SMOC2: variants seen among roughly 807,000 people sequenced by gnomAD.
The protein encoded by SMOC2 is SPARC-related modular calcium-binding protein 2.
SMOC2 carries 39 observed loss-of-function variants against 61.4 expected under a neutral mutation model. That is an observed-to-expected ratio of 0.64 (90% CI 0.49 to 0.83). SMOC2 has a LOEUF of 0.83. SMOC2 is among the 40% of genes least tolerant of loss of function. SMOC2 has a pLI of 0.00. For synonymous variants in SMOC2, 247 were observed against 239.9 expected (o/e 1.03, Z -0.27); for missense variants, 556 against 592.9 (o/e 0.94, Z 0.65).
At chr6:168,595,820 T>C (rs141314322) in intron 7 of SMOC2, among the ~76,000 whole-genome samples, 4 of 152,364 alleles carry the variant, frequency 2.6e-5, no homozygotes, top group African/African-American at 9.6e-5. Flanking sequence ...TTATTTTGCT[T>C]ATGATAAGCT....
At chr6:168,655,944 G>A (rs1292197496) in intron 11 of SMOC2, among the ~76,000 whole-genome samples, 1 of 151,772 alleles carries the variant, frequency 6.6e-6, no homozygotes, top group African/African-American at 2.4e-5. Flanking sequence ...CGTGTGTGCT[G>A]GATCCCCCGT....
chr6:168,451,007 T>A (rs1301062676), intron 1 of SMOC2, among the ~76,000 whole-genome samples: 1 of 152,180 alleles, frequency 6.6e-6, no homozygotes, highest in Admixed American at 6.5e-5. Flanking sequence ...TTGATGCAAA[T>A]GTGTTACAGG....
rs568594800 is a variant in SMOC2, at chr6:168,667,426, C to T, written c.*988C>T. The stretch of plus-strand genomic sequence containing the variant: ...TGCCCCCGGGGCTGGTGTTGGCAGC[C>T]GGGGGGAGGTGCCTGAGGGTCCCCA... On this transcript the variant is annotated 3_prime_UTR_variant, in exon 13 of 13. Transcript: ENST00000356284. 4 of 152,202 alleles carry T rather than the reference C, an allele frequency of 2.6e-5. No homozygotes were observed. Among genetic ancestry groups the T allele is most frequent in the South Asian group, 4.2e-4 (2 of 4,818 alleles). 9.4% of individuals were successfully genotyped at this position (152,202 alleles called of 1,614,324 possible).
At position 168,535,290 on chromosome 6, in the gene SMOC2, A is replaced by G. The variant is rs566078323; in HGVS notation, c.463+7563A>G. Reference sequence around the variant, plus strand: ...CAGCCTCCAGAGATATTTTATGTACATAAAAACAAGTATATTATTTTTTCT... The same window carrying G: ...CAGCCTCCAGAGATATTTTATGTACGTAAAAACAAGTATATTATTTTTTCT... On this transcript the variant is annotated intron_variant, in intron 4 of 12. Transcript: ENST00000356284. The surrounding 1 kb of genome is among the most constrained non-coding windows in gnomAD (Gnocchi z 4.6). Among the ~76,000 whole-genome samples the G allele has an allele frequency of 6.6e-6, 1 of 152,176 alleles. No individual in the cohort carries two copies. The highest frequency in any genetic ancestry group is 2.4e-5 in the African/African-American group (1 of 41,438).
chr6:168,622,874 A>G (rs2115234256), intron 9 of SMOC2, among the ~76,000 whole-genome samples: 1 of 152,322 alleles, frequency 6.6e-6, no homozygotes, highest in Non-Finnish European at 1.5e-5. Context: ...GGAGACCGAC[A>G]CCATGCCCAC....
At chr6:168,550,931 T>C (rs558796008) in intron 7 of SMOC2, among the ~76,000 whole-genome samples, 1 of 152,350 alleles carries the variant, frequency 6.6e-6, no homozygotes, top group African/African-American at 2.4e-5. Context: ...TAAAACACTG[T>C]ATGTTTCAGG....
intron 8 of SMOC2, among the ~76,000 whole-genome samples, chr6:168,600,419 A>AC (rs1785515972): frequency 3.6e-5 from 1 of 27,778 alleles, no homozygotes; most frequent in East Asian, 1.1e-3. Context: ...AAAAAAAAAA[A>AC]AACAAAAAAA....
chr6:168,545,648 TG>T (rs1437969378), intron 5 of SMOC2, among the ~76,000 whole-genome samples: 1 of 152,130 alleles, frequency 6.6e-6, no homozygotes, highest in Non-Finnish European at 1.5e-5. Context: ...GAACGGCCAG[TG>T]GGCCCATTAC....
chr6:168,624,852 GAC>G (rs1052221054), intron 9 of SMOC2, among the ~76,000 whole-genome samples: 36 of 136,326 alleles, frequency 2.6e-4, no homozygotes, highest in Non-Finnish European at 3.8e-4. Context: ...CAGGCACACA[GAC>G]ACACACACAT....
intron 1 of SMOC2, among the ~76,000 whole-genome samples, chr6:168,488,055 AGTC>A (rs142130138): frequency 1.3e-5 from 2 of 152,348 alleles, no homozygotes; most frequent in Non-Finnish European, 2.9e-5. Context: ...ATACATCTGC[AGTC>A]GTTCTAGGGG....
At chr6:168,638,384 TTAAG>T (rs1231738666) in intron 9 of SMOC2, among the ~76,000 whole-genome samples, 13 of 152,334 alleles carry the variant, frequency 8.5e-5, no homozygotes, top group African/African-American at 3.1e-4. Context: ...GCAAGTGTCA[TTAAG>T]TTAGACACTA....
chr6:168,501,477 C>G (rs762663672), intron 1 of SMOC2, among the ~76,000 whole-genome samples: 1 of 151,950 alleles, frequency 6.6e-6, no homozygotes, highest in Non-Finnish European at 1.5e-5. Context: ...CATCGTCCCT[C>G]CCTCGCCACG....
At chr6:168,462,166 T>A (rs1182394980) in intron 1 of SMOC2, among the ~76,000 whole-genome samples, 1 of 152,182 alleles carries the variant, frequency 6.6e-6, no homozygotes, top group African/African-American at 2.4e-5. Flanking sequence ...GGCACACTTT[T>A]TCATTACTGA....
Position 168,557,607 on chromosome 6 carries a change from A to G in SMOC2, c.637+8404A>G, listed in dbSNP as rs1166144668. On this transcript the variant is annotated intron_variant, in intron 7 of 12. Coordinates refer to ENST00000356284, the MANE Select transcript of SMOC2 (RefSeq NM_001166412.2). Reference sequence around the variant, plus strand: ...ACTTCGTTTTCTAAATATAAATGACATCAACTCCTCCTTGAACTAATGAGG... The same window carrying G: ...ACTTCGTTTTCTAAATATAAATGACGTCAACTCCTCCTTGAACTAATGAGG... Among the ~76,000 whole-genome samples the G allele has an allele frequency of 2.0e-5, 3 of 152,202 alleles. 1 individual carries two copies. Among genetic ancestry groups the G allele is most frequent in the Non-Finnish European group, 4.4e-5 (3 of 68,050 alleles).
chr6:168,663,276 C>T (rs1787568639), intron 11 of SMOC2, among the ~76,000 whole-genome samples: 1 of 152,048 alleles, frequency 6.6e-6, no homozygotes, highest in Non-Finnish European at 1.5e-5. Context: ...CTCCGCTGTG[C>T]AGAGGGCGGT....
intron 3 of SMOC2, among the ~76,000 whole-genome samples, chr6:168,527,367 A>G (rs1265069560): frequency 6.6e-6 from 1 of 152,214 alleles, no homozygotes; most frequent in South Asian, 2.1e-4. Context: ...GGCGGTGAGG[A>G]TTAGTGGCTT....
intron 5 of SMOC2, among the ~76,000 whole-genome samples, chr6:168,545,755 GGTCCCAGA>G (rs1405692098): frequency 1.3e-5 from 2 of 152,224 alleles, no homozygotes; most frequent in Non-Finnish European, 2.9e-5. Flanking sequence ...ATGGGCTGGT[GGTCCCAGA>G]GTGGTGACTT....
intron 1 of SMOC2, among the ~76,000 whole-genome samples, chr6:168,476,346 T>G (rs1782084536): frequency 6.6e-6 from 1 of 152,062 alleles, no homozygotes; most frequent in South Asian, 2.1e-4. Context: ...ACATGGCAGT[T>G]TCTGTTTTTC....
intron 1 of SMOC2, among the ~76,000 whole-genome samples, chr6:168,454,350 C>T (rs146106200): frequency 1.6e-3 from 248 of 152,280 alleles, no homozygotes; most frequent in African/African-American, 5.7e-3. Flanking sequence ...CAGCCGAAAT[C>T]TAACTGGGCT....
Sources: gnomAD v4.1 joint callset for allele counts (sites outside exome capture counted in the v4.1 genomes callset) on GRCh38, gnomAD v4.1.1 for gene constraint, Gnocchi (gnomAD v3.1) non-coding constraint, MANE v1.5 for transcripts, NCBI Gene and HGNC (gene_info 2026-07-23, HGNC 2026-07-21) for gene names.